Variants in SPAG16 observed in about 807,000 individuals in gnomAD.
SPAG16 encodes sperm-associated antigen 16 protein.
Under a neutral mutation model 80.4 loss-of-function variants are expected in SPAG16, and 86 were observed. The ratio of observed to expected loss-of-function variants is 1.07; its 90% CI spans 0.90 to 1.28. SPAG16 has a LOEUF of 1.28. Among genes scored for constraint, SPAG16 ranks in the 50% most tolerant of loss-of-function variants. The probability of loss-of-function intolerance (pLI) is 0.00; values close to 1 mark genes in which losing one functional copy is unlikely to be tolerated. For synonymous variants in SPAG16, 294 were observed against 265.9 expected, an observed-to-expected ratio of 1.11 and a Z score of -1.03; for missense variants, 870 against 765.3, an observed-to-expected ratio of 1.14 and a Z score of -1.61.
intron 13 of SPAG16, among the ~76,000 whole-genome samples, chr2:214,092,622 C>T (rs906558735): frequency 7.2e-5 from 11 of 151,814 alleles, no homozygotes; most frequent in African/African-American, 2.4e-4. Context: ...CATGGAAAAG[C>T]TTTATTTAAA....
chr2:213,819,701 A>G (rs1342085273), intron 10 of SPAG16, among the ~76,000 whole-genome samples: 2 of 151,206 alleles, frequency 1.3e-5, no homozygotes, highest in East Asian at 1.9e-4. Flanking sequence ...GCACCACCAC[A>G]CTCAGCTAAA....
chr2:213,381,071 A>G (rs2067147048), intron 9 of SPAG16, among the ~76,000 whole-genome samples: 1 of 75,330 alleles, frequency 1.3e-5, no homozygotes, highest in Admixed American at 1.5e-4. Flanking sequence ...GGGTCCATAA[A>G]TCCACTGGGC....
chr2:213,547,254 AG>A (rs2076642174), intron 10 of SPAG16, among the ~76,000 whole-genome samples: 2 of 152,104 alleles, frequency 1.3e-5, no homozygotes, highest in Admixed American at 1.3e-4. Flanking sequence ...ATAATAGAAA[AG>A]GGCTCCAAAA....
intron 10 of SPAG16, among the ~76,000 whole-genome samples, chr2:213,805,532 G>C (rs2071714120): frequency 6.6e-6 from 1 of 152,140 alleles, no homozygotes; most frequent in African/African-American, 2.4e-5. Flanking sequence ...GTTTTTAGAA[G>C]AGTTATCTGA....
chr2:213,668,857 C>G (rs1195848545), intron 10 of SPAG16, among the ~76,000 whole-genome samples: 1 of 152,082 alleles, frequency 6.6e-6, no homozygotes, highest in Non-Finnish European at 1.5e-5. Flanking sequence ...ACTGTGTTAG[C>G]CAGGAGGGTC....
At chr2:213,290,472 A>G (rs2062226445) in intron 1 of SPAG16, among the ~76,000 whole-genome samples, 2 of 152,240 alleles carry the variant, frequency 1.3e-5, no homozygotes, top group South Asian at 4.1e-4. Flanking sequence ...CCAAGTGTGC[A>G]GATAGGTAAG....
intron 7 of SPAG16, among the ~76,000 whole-genome samples, chr2:213,362,587 A>G (rs2066044049): frequency 1.3e-5 from 2 of 152,198 alleles, no homozygotes. Context: ...GTAATATGCT[A>G]ATAATGGCAC....
At chr2:214,167,752 T>C (rs1217835433) in intron 15 of SPAG16, among the ~76,000 whole-genome samples, 1 of 151,482 alleles carries the variant, frequency 6.6e-6, no homozygotes, top group Non-Finnish European at 1.5e-5. Flanking sequence ...TATGAAACTA[T>C]AAAATCACTA....
At chr2:214,077,445 A>G (rs1473216078) in intron 13 of SPAG16, among the ~76,000 whole-genome samples, 1 of 152,244 alleles carries the variant, frequency 6.6e-6, no homozygotes, top group East Asian at 1.9e-4. Context: ...AGTAGAGTTA[A>G]AGGCCTTATT....
chr2:214,021,012 G>A (rs2047835493), intron 13 of SPAG16, among the ~76,000 whole-genome samples: 1 of 151,998 alleles, frequency 6.6e-6, no homozygotes. Flanking sequence ...ATTTTGATAG[G>A]ATGATTAATC....
intron 15 of SPAG16, among the ~76,000 whole-genome samples, chr2:214,297,008 C>G (rs1694181660): frequency 6.6e-6 from 1 of 152,192 alleles, no homozygotes; most frequent in African/African-American, 2.4e-5. Flanking sequence ...CACTGAGGCC[C>G]TCACCAGAAG....
intron 12 of SPAG16, among the ~76,000 whole-genome samples, chr2:213,949,178 T>TTTTTTTTTTTTTTTTTTTTTTTTTTTG (rs1559620229): frequency 1.6e-4 from 3 of 19,152 alleles, no homozygotes; most frequent in Non-Finnish European, 3.2e-4. Flanking sequence ...AGTTTTTTTT[T>TTTTTTTTTTTTTTTTTTTTTTTTTTTG]TTTTTTTTTT....
At chr2:213,366,132 A>T (rs921772590) in intron 8 of SPAG16, among the ~76,000 whole-genome samples, 3 of 129,240 alleles carry the variant, frequency 2.3e-5, no homozygotes, top group African/African-American at 9.2e-5. Context: ...ACAGAGCGAG[A>T]CTCCGTCTCA....
At chr2:214,257,208 AT>A (rs569152784) in intron 15 of SPAG16, among the ~76,000 whole-genome samples, 310 of 152,046 alleles carry the variant, frequency 2.0e-3, no homozygotes, top group African/African-American at 7.1e-3. Flanking sequence ...TATAAAAAAA[AT>A]GTGATAGATT....
chr2:213,845,616 T>C (rs1030127713), intron 10 of SPAG16, among the ~76,000 whole-genome samples: 5 of 152,228 alleles, frequency 3.3e-5, no homozygotes, highest in Admixed American at 2.0e-4. Context: ...ACTTTTATGA[T>C]ACAGTGTTAT....
intron 13 of SPAG16, among the ~76,000 whole-genome samples, chr2:214,019,356 G>A (rs1018734490): frequency 2.0e-5 from 3 of 152,024 alleles, no homozygotes; most frequent in African/African-American, 7.2e-5. Flanking sequence ...ACATCTATGA[G>A]TTGTGTCAGA....
chr2:213,596,853 T>C (rs1234082303), intron 10 of SPAG16, among the ~76,000 whole-genome samples: 1 of 152,130 alleles, frequency 6.6e-6, no homozygotes, highest in Non-Finnish European at 1.5e-5. Context: ...CAAGCAAACT[T>C]CTGATTATTT....
intron 10 of SPAG16, among the ~76,000 whole-genome samples, chr2:213,614,085 A>G (rs781264515): frequency 1.3e-5 from 2 of 152,186 alleles, no homozygotes; most frequent in Non-Finnish European, 2.9e-5. Context: ...GGGTATGGTA[A>G]AATACTGTTT....
intron 15 of SPAG16, among the ~76,000 whole-genome samples, chr2:214,168,505 A>G (rs551232737): frequency 5.3e-5 from 8 of 152,160 alleles, no homozygotes; most frequent in African/African-American, 1.7e-4. Context: ...ACGCACACAC[A>G]TGCACACACA....
Sources: allele counts gnomAD v4.1 joint callset (sites outside exome capture counted in the v4.1 genomes callset), GRCh38; gene constraint gnomAD v4.1.1; transcripts MANE v1.5; gene names NCBI Gene and HGNC (gene_info 2026-07-23, HGNC 2026-07-21).